TBC1D5: variants seen among roughly 807,000 people sequenced by gnomAD.
TBC1D5 encodes TBC1 domain family, member 5.
Under a neutral mutation model 100.3 loss-of-function variants are expected in TBC1D5, and 75 were observed. That is an observed-to-expected ratio of 0.75 (90% CI 0.62 to 0.91). The LOEUF (loss-of-function observed/expected upper bound fraction) is 0.91. TBC1D5 is among the 40% of genes least tolerant of loss of function. The pLI is 0.00. For missense variants in TBC1D5, 910 were observed against 942.4 expected, an observed-to-expected ratio of 0.97 and a Z score of 0.45; for synonymous variants, 323 against 325.6, an observed-to-expected ratio of 0.99 and a Z score of 0.09.
intron 14 of TBC1D5, among the ~76,000 whole-genome samples, chr3:17,299,950 T>C (rs1039924455): frequency 6.6e-6 from 1 of 151,320 alleles, no homozygotes; most frequent in Non-Finnish European, 1.5e-5. Context: ...AGTGGGTATA[T>C]GCAAACTGTA....
chr3:17,175,778 T>C (rs959518848), intron 19 of TBC1D5, among the ~76,000 whole-genome samples: 4 of 152,218 alleles, frequency 2.6e-5, no homozygotes, highest in African/African-American at 7.2e-5. Flanking sequence ...TTTCAGGCCA[T>C]AAAGGTTTTG....
intron 14 of TBC1D5, among the ~76,000 whole-genome samples, chr3:17,298,358 A>G (rs977527291): frequency 2.0e-5 from 3 of 152,236 alleles, no homozygotes; most frequent in Admixed American, 6.5e-5. Context: ...GAATTTTTAA[A>G]ATCTCAACTT....
At chr3:17,672,819 T>C (rs965763993) in intron 1 of TBC1D5, 1 of 152,236 alleles carries the variant, frequency 6.6e-6, no homozygotes, top group African/African-American at 2.4e-5. Context: ...GCTATAAGAA[T>C]TGATGGCAGC....
chr3:17,560,525 A>T (rs1383883736), intron 2 of TBC1D5, among the ~76,000 whole-genome samples: 1 of 150,912 alleles, frequency 6.6e-6, no homozygotes, highest in Non-Finnish European at 1.5e-5. Context: ...AGGCTTCAGC[A>T]GGAGGATCAC....
chr3:17,596,905 G>C (rs1281061581), intron 2 of TBC1D5, among the ~76,000 whole-genome samples: 7 of 152,108 alleles, frequency 4.6e-5, no homozygotes, highest in Admixed American at 6.5e-5. Context: ...ATGGAACACT[G>C]ATGACCCGAC....
chr3:17,247,396 C>G (rs1438889926), intron 16 of TBC1D5, among the ~76,000 whole-genome samples: 1 of 152,100 alleles, frequency 6.6e-6, no homozygotes, highest in African/African-American at 2.4e-5. Flanking sequence ...ATACTGCAGT[C>G]TATTCAGTGT....
chr3:17,165,301 C>G (rs1183868540), intron 21 of TBC1D5, among the ~76,000 whole-genome samples: 1 of 152,138 alleles, frequency 6.6e-6, no homozygotes, highest in African/African-American at 2.4e-5. Context: ...TTTAAAATAT[C>G]TTTTTTTCTG....
intron 9 of TBC1D5, among the ~76,000 whole-genome samples, chr3:17,381,051 T>C (rs573484366): frequency 1.3e-5 from 2 of 152,110 alleles, no homozygotes; most frequent in African/African-American, 2.4e-5. Context: ...AAAAAATCTA[T>C]AGGATTTTAA....
intron 13 of TBC1D5, among the ~76,000 whole-genome samples, chr3:17,369,907 AT>A (rs1486995227): frequency 6.6e-6 from 1 of 152,208 alleles, no homozygotes; most frequent in Non-Finnish European, 1.5e-5. Flanking sequence ...ATTTTAAAAA[AT>A]AATACAGATG....
intron 18 of TBC1D5, among the ~76,000 whole-genome samples, chr3:17,211,648 C>T (rs1381771268): frequency 6.6e-6 from 1 of 152,160 alleles, no homozygotes; most frequent in African/African-American, 2.4e-5. Flanking sequence ...TTTTTGCCTA[C>T]CACTGACTTA....
chr3:17,303,833 CTTTTTTTTTTTTTTT>C (rs140988557), intron 14 of TBC1D5, among the ~76,000 whole-genome samples: 10 of 84,520 alleles, frequency 1.2e-4, no homozygotes, highest in African/African-American at 3.0e-4. Context: ...CAATCTACCT[CTTTTTTTTTTTTTTT>C]TTTTTTTTTT....
Position 17,428,539 on chromosome 3 carries a change from C to A in TBC1D5, c.98-20G>T. 1 of 1,373,638 alleles carries A rather than the reference C, an allele frequency of 7.3e-7. No homozygotes were observed. Among genetic ancestry groups the A allele is most frequent in the East Asian group, 2.7e-5 (1 of 37,560 alleles). The allele number at this position is 1,373,638 out of a possible 1,614,324, so 85.1% of individuals were successfully genotyped here. A position where few individuals can be genotyped will look rare whatever the true frequency, so the allele number is the denominator to read the frequency against. The stretch of plus-strand genomic sequence containing the variant: ...AATCTCCTGGAGAAAAAAATTACGA[C>A]ACTGAAATAATGGAGATAAACTGAA... On this transcript the variant is annotated intron_variant, in intron 3 of 21. Coordinates refer to ENST00000253692, the Ensembl canonical transcript of TBC1D5.
intron 1 of TBC1D5, among the ~76,000 whole-genome samples, chr3:17,719,959 T>G (rs955185270): frequency 6.6e-5 from 10 of 152,152 alleles, no homozygotes; most frequent in Non-Finnish European, 7.4e-5. Flanking sequence ...ATTATAGGGA[T>G]TACCTCCAAG....
intron 2 of TBC1D5, among the ~76,000 whole-genome samples, chr3:17,593,581 G>C (rs2060371863): frequency 6.6e-6 from 1 of 152,200 alleles, no homozygotes; most frequent in Non-Finnish European, 1.5e-5. Context: ...TTATGGGTTT[G>C]CCTATCCTGC....
At chr3:17,742,285 G>A (rs1247718999), upstream of TBC1D5, among the ~76,000 whole-genome samples, 1 of 152,166 alleles carries the variant, frequency 6.6e-6, no homozygotes, top group Non-Finnish European at 1.5e-5. Flanking sequence ...CCGTGGCGGC[G>A]GCACCCTCAG....
In TBC1D5 at chr3:17,337,091, C is replaced by G. The variant is rs139938053; in HGVS notation, c.996-28957G>C. On this transcript the variant is annotated intron_variant, in intron 13 of 21. Transcript: ENST00000253692. ...TTCTGCTCTGGAGGTCAGTGGTTCT[C>G]AAACATAGCTTGCACCAAAATTATC... Among the ~76,000 whole-genome samples the G allele has an allele frequency of 2.1e-5, 3 of 145,030 alleles. No homozygotes were observed. In the East Asian group the frequency reaches 6.1e-4, roughly 29 times the overall value.
At chr3:17,165,626 C>T (rs1489527455) in intron 21 of TBC1D5, among the ~76,000 whole-genome samples, 1 of 152,164 alleles carries the variant, frequency 6.6e-6, no homozygotes, top group African/African-American at 2.4e-5. Context: ...AACATTCCCA[C>T]TCAAATGTCA....
At chr3:17,492,409 T>C (rs187591683) in intron 3 of TBC1D5, among the ~76,000 whole-genome samples, 249 of 152,114 alleles carry the variant, frequency 1.6e-3, no homozygotes, top group Middle Eastern at 0.01. Context: ...TCCTAGCTTT[T>C]TGTTAAGGGT....
Position 17,355,335 on chromosome 3 carries a change from T to G in TBC1D5, c.995+16740A>C, listed in dbSNP as rs17043479. On this transcript the variant is annotated intron_variant, in intron 13 of 21. Transcript: ENST00000253692. ...ACTCCTGTATGTTCCCAATTGTTTT[T>G]AAGAATGAACACCAACTCTCAGGAG... 2.1e-3 allele frequency among the ~76,000 whole-genome samples: 318 copies of G among 152,272 alleles called. 1 individual carries two copies. Among genetic ancestry groups the G allele is most frequent in the African/African-American group, 7.2e-3 (298 of 41,570 alleles).
Sources: gnomAD v4.1 joint callset for allele counts (sites outside exome capture counted in the v4.1 genomes callset) on GRCh38, gnomAD v4.1.1 for gene constraint, MANE v1.5 for transcripts, NCBI Gene and HGNC (gene_info 2026-07-23, HGNC 2026-07-21) for gene names.